USP15: variants seen among roughly 807,000 people sequenced by gnomAD.
USP15 encodes the protein ubiquitin carboxyl-terminal hydrolase 15.
A neutral mutation model predicts 127.1 loss-of-function variants in USP15; 18 were observed. The observed-to-expected ratio is 0.14, with a 90% CI of 0.10 to 0.21. The LOEUF (loss-of-function observed/expected upper bound fraction) is 0.21, where lower values mean the gene tolerates loss of function less well. Ranked by LOEUF, USP15 falls within the 10% of genes least tolerant of loss-of-function variation. The pLI, the probability that USP15 is intolerant of heterozygous loss-of-function variation, is 1.00. For synonymous variants in USP15, 364 were observed against 393.7 expected, an observed-to-expected ratio of 0.92 and a Z score of 0.89; for missense variants, 805 against 1,159.9, an observed-to-expected ratio of 0.69 and a Z score of 4.44.
intron 6 of USP15, chr12:62,336,113 T>C (rs528964839): frequency 2.0e-6 from 2 of 985,406 alleles, no homozygotes; most frequent in African/African-American, 3.5e-5. Context: ...TGCATTGACA[T>C]TCACTAAATT....
chr12:62,288,328 G>GT (rs1383592286), intron 1 of USP15, among the ~76,000 whole-genome samples: 1 of 127,822 alleles, frequency 7.8e-6, no homozygotes, highest in African/African-American at 3.0e-5. Context: ...GATTAGATGT[G>GT]TTCCCTGGCA....
At chr12:62,277,651 A>G (rs1426546921) in intron 1 of USP15, 1 of 151,968 alleles carries the variant, frequency 6.6e-6, no homozygotes, top group Non-Finnish European at 1.5e-5. Flanking sequence ...CAGAAGAAGA[A>G]TTATTGTCTT....
At chr12:62,265,694 G>A (rs2137030489) in intron 1 of USP15, among the ~76,000 whole-genome samples, 1 of 152,204 alleles carries the variant, frequency 6.6e-6, no homozygotes, top group East Asian at 1.9e-4. Context: ...CTACAGGTGT[G>A]CGCCACCACA....
chr12:62,391,977 CT>C, intron 17 of USP15, 91 bp downstream of exon 17: 1 of 1,240,238 alleles, frequency 8.1e-7, no homozygotes, highest in Non-Finnish European at 1.1e-6. Flanking sequence ...ACACTCTTTG[CT>C]TCCACCAAAT....
At chr12:62,382,880 C>A (rs1170527882) in intron 9 of USP15, among the ~76,000 whole-genome samples, 1 of 151,834 alleles carries the variant, frequency 6.6e-6, no homozygotes, top group Non-Finnish European at 1.5e-5. Context: ...CTGCCTCTTC[C>A]TGTCTACCTA....
chr12:62,369,111 A>T (rs2066579912), intron 8 of USP15, among the ~76,000 whole-genome samples: 1 of 152,212 alleles, frequency 6.6e-6, no homozygotes, highest in African/African-American at 2.4e-5. Flanking sequence ...GTAGACATAT[A>T]AATAAGATAT....
intron 8 of USP15, among the ~76,000 whole-genome samples, chr12:62,358,185 A>C (rs911331781): frequency 5.3e-5 from 8 of 152,068 alleles, no homozygotes; most frequent in Non-Finnish European, 2.9e-5. Context: ...TAAAAAGTAT[A>C]CTTTTTTAAT....
At chr12:62,273,547 TC>T (rs2063398864) in intron 1 of USP15, among the ~76,000 whole-genome samples, 1 of 152,108 alleles carries the variant, frequency 6.6e-6, no homozygotes, top group Non-Finnish European at 1.5e-5. Context: ...TGGTGCTTTT[TC>T]TATAGTAAAT....
chr12:62,350,237 A>G (rs1340361458), intron 7 of USP15, among the ~76,000 whole-genome samples: 1 of 152,014 alleles, frequency 6.6e-6, no homozygotes, highest in African/African-American at 2.4e-5. Context: ...GCTATTTGTG[A>G]AATAATCTTT....
At chr12:62,275,760 C>T (rs1412635733) in intron 1 of USP15, among the ~76,000 whole-genome samples, 2 of 152,176 alleles carry the variant, frequency 1.3e-5, no homozygotes, top group African/African-American at 2.4e-5. Flanking sequence ...AGGAAGATTA[C>T]TTCCTCTACT....
At chr12:62,339,055 T>C (rs2065570761) in intron 6 of USP15, among the ~76,000 whole-genome samples, 1 of 152,170 alleles carries the variant, frequency 6.6e-6, no homozygotes, top group Non-Finnish European at 1.5e-5. Context: ...ATAAATTACT[T>C]TGGGCAATGT....
intron 21 of USP15, 110 bp downstream of exon 21, chr12:62,401,385 T>A (rs561619666): frequency 1.3e-6 from 1 of 741,752 alleles, no homozygotes; most frequent in Non-Finnish European, 2.1e-6. Context: ...TCTAGCAGCT[T>A]GAGTAGCTAA....
At chr12:62,291,452 AT>A (rs2063965730) in intron 1 of USP15, among the ~76,000 whole-genome samples, 1 of 152,098 alleles carries the variant, frequency 6.6e-6, no homozygotes, top group South Asian at 2.1e-4. Context: ...GGTTTTTCAC[AT>A]TTTCCATGAA....
In USP15 at chr12:62,406,959, T is replaced by A. The variant is rs2067885770; in HGVS notation, c.*2584T>A. ...CAGCCTGTGCAACATAGCAAGACTC[T>A]GTCTCAAAAAAAAAAAAGATATTCA... is the stretch of plus-strand genomic sequence containing the variant. On this transcript the variant is annotated 3_prime_UTR_variant, in exon 22 of 22. Coordinates refer to ENST00000280377, the MANE Select transcript of USP15 (RefSeq NM_001252078.2). 6.6e-6 allele frequency: 1 copy of A among 150,744 alleles called. No individual in the cohort carries two copies. Among genetic ancestry groups the A allele is most frequent in the Non-Finnish European group, 1.5e-5 (1 of 67,612 alleles). 9.3% of individuals were successfully genotyped at this position (150,744 alleles called of 1,614,324 possible). A position where few individuals can be genotyped will look rare whatever the true frequency, so the allele number is the denominator to read the frequency against.
At chr12:62,333,249 C>T (rs188652917) in intron 6 of USP15, among the ~76,000 whole-genome samples, 79 of 152,200 alleles carry the variant, frequency 5.2e-4, no homozygotes, top group African/African-American at 1.7e-3. Flanking sequence ...TAGAGTGATA[C>T]TCCAAAATCT....
intron 1 of USP15, among the ~76,000 whole-genome samples, chr12:62,293,528 G>C (rs1230548823): frequency 6.6e-6 from 1 of 152,000 alleles, no homozygotes; most frequent in African/African-American, 2.4e-5. Context: ...CCCAATTTTT[G>C]TATTTTTAGT....
intron 1 of USP15, among the ~76,000 whole-genome samples, chr12:62,264,974 A>G (rs2063159741): frequency 6.6e-6 from 1 of 152,210 alleles, no homozygotes; most frequent in South Asian, 2.1e-4. Flanking sequence ...ACAAGGACAG[A>G]GATAGTGACC....
chr12:62,341,686 T>A (rs1166967404), intron 6 of USP15, among the ~76,000 whole-genome samples: 1 of 152,212 alleles, frequency 6.6e-6, no homozygotes, highest in Non-Finnish European at 1.5e-5. Context: ...ATCCTTTCTT[T>A]AAGAATGTTG....
At chr12:62,385,243 G>A (rs981938811) in intron 11 of USP15, among the ~76,000 whole-genome samples, 7 of 151,604 alleles carry the variant, frequency 4.6e-5, no homozygotes, top group Non-Finnish European at 1.0e-4. Context: ...AAAGCTCTTT[G>A]GCTAAACAAA....
Sources: allele counts gnomAD v4.1 joint callset (sites outside exome capture counted in the v4.1 genomes callset), GRCh38; gene constraint gnomAD v4.1.1; transcripts MANE v1.5; gene names NCBI Gene and HGNC (gene_info 2026-07-23, HGNC 2026-07-21).